DOCK3: variants seen among roughly 807,000 people sequenced by gnomAD.
The protein encoded by DOCK3 is dedicator of cytokinesis protein 3.
A neutral mutation model predicts 265.6 loss-of-function variants in DOCK3; 60 were observed. The observed-to-expected ratio is 0.23, with a 90% CI of 0.18 to 0.28. The LOEUF is 0.28. Ranked by LOEUF, DOCK3 falls within the 10% of genes least tolerant of loss-of-function variation. The probability of loss-of-function intolerance (pLI) is 1.00; values close to 1 mark genes in which losing one functional copy is unlikely to be tolerated. For missense variants in DOCK3, 1,981 were observed against 2,594.3 expected, an observed-to-expected ratio of 0.76 and a Z score of 5.14; for synonymous variants, 881 against 938.0, an observed-to-expected ratio of 0.94 and a Z score of 1.11.
chr3:50,978,951 C>T (rs1011434626), intron 5 of DOCK3, among the ~76,000 whole-genome samples: 3 of 152,208 alleles, frequency 2.0e-5, no homozygotes, highest in African/African-American at 7.2e-5. Flanking sequence ...GGAAAGGGAA[C>T]TCCCTGACCC....
In DOCK3 at chr3:50,854,374, C is replaced by T. The variant is rs111755337; in HGVS notation, c.162+12659C>T. Reference sequence around the variant, plus strand: ...TAAAGTCTTAGTTATTATAATTACTCGCCTAGGCTAGTGTGTAGAAGTTGT... The same window carrying T: ...TAAAGTCTTAGTTATTATAATTACTTGCCTAGGCTAGTGTGTAGAAGTTGT... On this transcript the variant is annotated intron_variant, in intron 3 of 52. Coordinates refer to ENST00000266037, the MANE Select transcript of DOCK3 (RefSeq NM_004947.5). Among the ~76,000 whole-genome samples the T allele has an allele frequency of 2.9e-3, 427 of 149,784 alleles. 3 individuals carry two copies. The highest frequency in any genetic ancestry group is 9.9e-3 in the African/African-American group (407 of 41,056).
chr3:51,290,791 A>T (rs116850088), intron 27 of DOCK3, among the ~76,000 whole-genome samples: 1 of 152,318 alleles, frequency 6.6e-6, no homozygotes, highest in East Asian at 1.9e-4. Flanking sequence ...TTATAAAAAG[A>T]GACAGTGGGC....
At chr3:50,779,166 A>G (rs1231441416) in intron 2 of DOCK3, among the ~76,000 whole-genome samples, 3 of 152,110 alleles carry the variant, frequency 2.0e-5, no homozygotes, top group Non-Finnish European at 4.4e-5. Context: ...TGCTGACTGT[A>G]GTCACCCTAT....
chr3:50,795,702 T>C lies in DOCK3; in HGVS notation c.121+16944T>C, dbSNP rs113003193. The stretch of plus-strand genomic sequence containing the variant: ...ATTTTGTTCCTTTTCATTCTTTTTC[T>C]CTGTTATTTTCTGACTGTTTTATTT... On this transcript the variant is annotated intron_variant, in intron 2 of 52. Transcript: ENST00000266037. 2.8e-3 allele frequency among the ~76,000 whole-genome samples: 425 copies of C among 152,328 alleles called. 3 individuals are homozygous for C. The highest frequency in any genetic ancestry group is 9.8e-3 in the African/African-American group (407 of 41,574).
chr3:51,071,239 G>A (rs1234487666), intron 6 of DOCK3, among the ~76,000 whole-genome samples: 1 of 152,144 alleles, frequency 6.6e-6, no homozygotes, highest in African/African-American at 2.4e-5. Flanking sequence ...TGTGTCCCTA[G>A]GTTGAACATG....
Position 51,289,083 on chromosome 3 carries a change from C to T in DOCK3, c.2922+8879C>T, listed in dbSNP as rs139119571. ...AGCTCTAGGTTATTTAAAAAAAGAA[C>T]GTATATACCATGGAATTCTACACAG... On this transcript the variant is annotated intron_variant, in intron 27 of 52. Coordinates refer to ENST00000266037, the MANE Select transcript of DOCK3 (RefSeq NM_004947.5). Among the ~76,000 whole-genome samples the T allele has an allele frequency of 1.3e-3, 200 of 152,016 alleles. 1 individual carries two copies. The highest frequency in any genetic ancestry group is 4.8e-3 in the South Asian group (23 of 4,808).
At chr3:51,208,325 G>A (rs936019916) in intron 12 of DOCK3, among the ~76,000 whole-genome samples, 3 of 152,100 alleles carry the variant, frequency 2.0e-5, no homozygotes, top group Admixed American at 2.0e-4. Flanking sequence ...AGCTTAGCAG[G>A]GCTTTCCATT....
At chr3:50,997,841 A>G (rs2078337707) in intron 5 of DOCK3, among the ~76,000 whole-genome samples, 1 of 152,226 alleles carries the variant, frequency 6.6e-6, no homozygotes, top group Non-Finnish European at 1.5e-5. Flanking sequence ...CCAATTACCA[A>G]GAAGAGAAAA....
At chr3:51,083,189 A>G (rs2082302703) in intron 7 of DOCK3, among the ~76,000 whole-genome samples, 2 of 152,210 alleles carry the variant, frequency 1.3e-5, no homozygotes, top group Admixed American at 1.3e-4. Context: ...GACACCACTG[A>G]CACTGATTAT....
chr3:50,782,435 C>T (rs536090246), intron 2 of DOCK3, among the ~76,000 whole-genome samples: 10 of 150,850 alleles, frequency 6.6e-5, no homozygotes, highest in African/African-American at 2.2e-4. Context: ...GGACTACAGG[C>T]GCCCGCTACC....
At chr3:50,963,572 G>A (rs917928808) in intron 5 of DOCK3, among the ~76,000 whole-genome samples, 1 of 151,910 alleles carries the variant, frequency 6.6e-6, no homozygotes, top group Non-Finnish European at 1.5e-5. Flanking sequence ...AAAGTCAATG[G>A]GACTGTATAT....
In DOCK3 at chr3:50,797,363, G is replaced by A. The variant is rs920125845; in HGVS notation, c.121+18605G>A. Among the ~76,000 whole-genome samples the A allele has an allele frequency of 9.8e-5, 15 of 152,342 alleles. No individual in the cohort carries two copies. The South Asian group carries it at 2.3e-3, about 23-fold the overall frequency. On this transcript the variant is annotated intron_variant, in intron 2 of 52. Transcript: ENST00000266037. ...GGTCTAGTTTCACTCCTGTGGCAGC[G>A]TTGGTGCAAGGGCAGGGCATTGGAA...
intron 32 of DOCK3, among the ~76,000 whole-genome samples, chr3:51,324,103 G>C (rs919762841): frequency 4.6e-5 from 7 of 152,076 alleles, no homozygotes; most frequent in Non-Finnish European, 1.0e-4. Context: ...AGAAATAAAG[G>C]GTATTCAAAT....
At chr3:51,073,386 AAC>A (rs1185349175) in intron 6 of DOCK3, among the ~76,000 whole-genome samples, 1 of 152,250 alleles carries the variant, frequency 6.6e-6, no homozygotes, top group Non-Finnish European at 1.5e-5. Context: ...GCACTCCGTG[AAC>A]ACTACTGCCT....
chr3:51,237,683 CA>C, intron 21 of DOCK3, 93 bp downstream of exon 21: 2 of 1,128,894 alleles, frequency 1.8e-6, no homozygotes, highest in Non-Finnish European at 2.5e-6. Flanking sequence ...TTAAAAAGTT[CA>C]GCTGACTTTT....
intron 1 of DOCK3, among the ~76,000 whole-genome samples, chr3:50,758,982 G>A (rs2040363691): frequency 6.6e-6 from 1 of 152,088 alleles, no homozygotes; most frequent in African/African-American, 2.4e-5. Flanking sequence ...TCCATTGTAG[G>A]CACGTACCAT....
chr3:50,763,808 T>G (rs2040686306), intron 1 of DOCK3, among the ~76,000 whole-genome samples: 1 of 152,204 alleles, frequency 6.6e-6, no homozygotes, highest in Admixed American at 6.5e-5. Flanking sequence ...ATTAATCAAT[T>G]CTATTGATAT....
intron 3 of DOCK3, among the ~76,000 whole-genome samples, chr3:50,882,942 A>G (rs2048126791): frequency 6.6e-6 from 1 of 152,222 alleles, no homozygotes. Context: ...CAGCCATGAA[A>G]AAGGATGAGT....
chr3:51,065,008 A>G (rs1337831652), intron 6 of DOCK3, among the ~76,000 whole-genome samples: 1 of 152,204 alleles, frequency 6.6e-6, no homozygotes, highest in Non-Finnish European at 1.5e-5. Flanking sequence ...AGCATAACCT[A>G]CAAATGGAAA....
Sources: gnomAD v4.1 joint callset for allele counts (sites outside exome capture counted in the v4.1 genomes callset) on GRCh38, gnomAD v4.1.1 for gene constraint, MANE v1.5 for transcripts, NCBI Gene and HGNC (gene_info 2026-07-23, HGNC 2026-07-21) for gene names.